Variants in ANKS1B observed in about 807,000 individuals in gnomAD.
ANKS1B encodes the protein ankyrin repeat and sterile alpha motif domain containing 1B, also known as ankyrin repeat and sterile alpha motif domain-containing protein 1B.
A neutral mutation model predicts 148.3 loss-of-function variants in ANKS1B; 36 were observed. The observed-to-expected ratio is 0.24, with a 90% CI of 0.19 to 0.32. ANKS1B has a LOEUF of 0.32. Ranked by LOEUF, ANKS1B falls within the 10% of genes least tolerant of loss-of-function variation. The pLI, the probability that ANKS1B is intolerant of heterozygous loss-of-function variation, is 1.00. For missense variants in ANKS1B, 1,157 were observed against 1,542.6 expected (o/e 0.75, Z 4.19); for synonymous variants, 542 against 560.8 (o/e 0.97, Z 0.47).
intron 4 of ANKS1B, among the ~76,000 whole-genome samples, chr12:99,786,799 A>G (rs1162606439): frequency 6.6e-6 from 1 of 152,362 alleles, no homozygotes; most frequent in Non-Finnish European, 1.5e-5. Context: ...CCAGCAGATG[A>G]AGCTCTAAGA....
intron 17 of ANKS1B, among the ~76,000 whole-genome samples, chr12:98,906,503 C>T (rs1162399464): frequency 2.0e-5 from 3 of 152,166 alleles, no homozygotes; most frequent in Non-Finnish European, 4.4e-5. Context: ...GGATCCACAA[C>T]TCTGATCTGA....
intron 17 of ANKS1B, among the ~76,000 whole-genome samples, chr12:98,898,763 T>C (rs1243865610): frequency 2.0e-5 from 3 of 152,212 alleles, no homozygotes; most frequent in African/African-American, 7.2e-5. Context: ...TATAATATTC[T>C]AGCTGTATTA....
chr12:99,928,418 A>C (rs947089085), intron 1 of ANKS1B, among the ~76,000 whole-genome samples: 16 of 150,750 alleles, frequency 1.1e-4, no homozygotes, highest in African/African-American at 3.6e-4. Flanking sequence ...AGCTGGGACT[A>C]CAGGCGCCCG....
rs1275490041 is a variant in ANKS1B, at chr12:99,211,932, C to T, written c.2419+32410G>A. On this transcript the variant is annotated intron_variant, in intron 14 of 26. Transcript: ENST00000683438. ...AAGTGACAAGAAATATTCACCCCAGCGCACATCTTCCTAAGAAGGCCCAAG... is the reference window on the plus strand; with the variant it reads ...AAGTGACAAGAAATATTCACCCCAGTGCACATCTTCCTAAGAAGGCCCAAG... Among the ~76,000 whole-genome samples the T allele has an allele frequency of 2.0e-5, 3 of 152,196 alleles. No homozygotes were observed. In the East Asian group the frequency reaches 5.8e-4, roughly 29 times the overall value.
intron 12 of ANKS1B, among the ~76,000 whole-genome samples, chr12:99,387,527 T>G (rs2093914274): frequency 6.6e-6 from 1 of 151,908 alleles, no homozygotes; most frequent in African/African-American, 2.4e-5. Context: ...GAGGCAGGGT[T>G]GTTGCTTGAA....
Position 99,189,538 on chromosome 12 carries a change from T to C in ANKS1B, c.2420-35143A>G, listed in dbSNP as rs536200943. Reference sequence around the variant, plus strand: ...TCCCTGGGATGCAAGGTTGGTTCAATATATATACAAATCAATAAACATTAT... The same window carrying C: ...TCCCTGGGATGCAAGGTTGGTTCAACATATATACAAATCAATAAACATTAT... On this transcript the variant is annotated intron_variant, in intron 14 of 26. Coordinates refer to ENST00000683438, the MANE Select transcript of ANKS1B (RefSeq NM_001352186.2). Among the ~76,000 whole-genome samples, 9 of 152,248 alleles carry C rather than the reference T, an allele frequency of 5.9e-5. No individual in the cohort carries two copies. The South Asian group carries it at 1.9e-3, about 32-fold the overall frequency.
chr12:99,388,453 C>G (rs1178601687), intron 12 of ANKS1B, among the ~76,000 whole-genome samples: 1 of 152,094 alleles, frequency 6.6e-6, no homozygotes, highest in African/African-American at 2.4e-5. Context: ...TCAAAAAGAT[C>G]AAGGGACTGG....
intron 1 of ANKS1B, among the ~76,000 whole-genome samples, chr12:99,912,808 G>A (rs1301696514): frequency 1.3e-5 from 2 of 152,066 alleles, no homozygotes; most frequent in Admixed American, 6.5e-5. Context: ...TTCATGAAAT[G>A]TCATATGGCA....
At chr12:99,087,607 G>C (rs562645981) in intron 15 of ANKS1B, among the ~76,000 whole-genome samples, 3 of 152,158 alleles carry the variant, frequency 2.0e-5, no homozygotes, top group African/African-American at 7.2e-5. Context: ...TGGCATGAGC[G>C]AGATATGTGA....
chr12:99,752,781 T>C (rs915867824), intron 8 of ANKS1B, among the ~76,000 whole-genome samples: 2 of 152,048 alleles, frequency 1.3e-5, no homozygotes, highest in Non-Finnish European at 1.5e-5. Context: ...ATGACTAGAA[T>C]TCATTTTTTC....
At chr12:99,400,099 T>C (rs940465880) in intron 11 of ANKS1B, among the ~76,000 whole-genome samples, 1 of 151,858 alleles carries the variant, frequency 6.6e-6, no homozygotes, top group Non-Finnish European at 1.5e-5. Context: ...TTTCTCTTGG[T>C]AATCAATTTT....
At chr12:99,012,705 G>A (rs2099940151) in intron 17 of ANKS1B, among the ~76,000 whole-genome samples, 1 of 151,746 alleles carries the variant, frequency 6.6e-6, no homozygotes, top group South Asian at 2.1e-4. Flanking sequence ...TCTGCACTTG[G>A]GTTGTATTTT....
chr12:98,832,278 G>C (rs1392051766), intron 17 of ANKS1B, 142 bp from the exon 18 acceptor site: 1 of 647,356 alleles, frequency 1.5e-6, no homozygotes, highest in Non-Finnish European at 2.6e-6. Context: ...TGTGACCGCT[G>C]AAGTCCAGAA....
intron 17 of ANKS1B, among the ~76,000 whole-genome samples, chr12:98,876,298 C>T (rs566932493): frequency 6.6e-6 from 1 of 152,192 alleles, no homozygotes; most frequent in Non-Finnish European, 1.5e-5. Flanking sequence ...GTGCCCTTTA[C>T]CCTCAACCCT....
chr12:99,093,746 G>A (rs950538280), intron 15 of ANKS1B: 2 of 152,176 alleles, frequency 1.3e-5, no homozygotes, highest in Non-Finnish European at 2.9e-5. Flanking sequence ...TCAAAGATAT[G>A]GTTGTCTTCA....
At chr12:99,521,914 G>T (rs997888397) in intron 9 of ANKS1B, among the ~76,000 whole-genome samples, 3 of 152,160 alleles carry the variant, frequency 2.0e-5, no homozygotes, top group South Asian at 2.1e-4. Context: ...AGGCACTAGG[G>T]CTCAGTGATC....
rs367894231 is a variant in ANKS1B at position 99,008,763 on chromosome 12, C to A, written c.2778+44394G>T. The stretch of plus-strand genomic sequence containing the variant: ...TTAAAAACTAGCTAAGGGCACTGTT[C>A]ACATGCTGCAAGATCTCACGGAGGA... On this transcript the variant is annotated intron_variant, in intron 17 of 26. Transcript: ENST00000683438. 4.6e-5 allele frequency among the ~76,000 whole-genome samples: 7 copies of A among 152,174 alleles called. No individual in the cohort carries two copies. The East Asian group carries it at 5.8e-4, about 13-fold the overall frequency.
intron 8 of ANKS1B, among the ~76,000 whole-genome samples, chr12:99,750,882 C>T (rs2061040526): frequency 6.6e-6 from 1 of 151,934 alleles, no homozygotes. Flanking sequence ...AATAAACTTC[C>T]ATTATATTTG....
At chr12:99,690,366 T>TA (rs2098672950) in intron 8 of ANKS1B, among the ~76,000 whole-genome samples, 1 of 152,074 alleles carries the variant, frequency 6.6e-6, no homozygotes, top group South Asian at 2.1e-4. Flanking sequence ...AACAGTACCC[T>TA]AAAGTCTTAA....
Sources: allele counts gnomAD v4.1 joint callset (sites outside exome capture counted in the v4.1 genomes callset), GRCh38; gene constraint gnomAD v4.1.1; transcripts MANE v1.5; gene names NCBI Gene and HGNC (gene_info 2026-07-23, HGNC 2026-07-21).